TIAM2: variants seen among roughly 807,000 people sequenced by gnomAD.
The protein encoded by TIAM2 is TIAM Rac1 associated GEF 2.
TIAM2 carries 80 observed loss-of-function variants against 152.9 expected under a neutral mutation model. The observed-to-expected ratio is 0.52, with a 90% CI of 0.44 to 0.63. The LOEUF (loss-of-function observed/expected upper bound fraction) is 0.63. TIAM2 is among the 30% of genes least tolerant of loss of function. The pLI is 0.00. For synonymous variants in TIAM2, 804 were observed against 838.0 expected, an observed-to-expected ratio of 0.96 and a Z score of 0.70; for missense variants, 1,965 against 2,120.1, an observed-to-expected ratio of 0.93 and a Z score of 1.44.
intron 1 of TIAM2, among the ~76,000 whole-genome samples, chr6:155,062,774 C>A (rs1407343477): frequency 6.6e-6 from 1 of 151,932 alleles, no homozygotes; most frequent in African/African-American, 2.4e-5. Context: ...GGGGTTTCAC[C>A]ATGTTGGTCA....
At position 155,045,697 on chromosome 6, in the gene TIAM2, G is replaced by A. The variant is rs146618546; in HGVS notation, c.-208-44592G>A. Among the ~76,000 whole-genome samples the A allele has an allele frequency of 4.5e-3, 679 of 152,198 alleles. 4 individuals are homozygous for A. The highest frequency in any genetic ancestry group is 0.014 in the African/African-American group (600 of 41,534). Reference sequence around the variant, plus strand: ...TGTGAGTAGCAGGCAGGCCCTCCTTGCCTCTGCAGTGGTTGAAGACAGCGG... The same window carrying A: ...TGTGAGTAGCAGGCAGGCCCTCCTTACCTCTGCAGTGGTTGAAGACAGCGG... On this transcript the variant is annotated intron_variant, in intron 1 of 26. Transcript: ENST00000682666.
In TIAM2 at chr6:155,137,321, C is replaced by A; in HGVS notation, c.1339C>A (p.His447Asn). 1 of 1,614,250 alleles carries A rather than the reference C, an allele frequency of 6.2e-7. No homozygotes were observed. The highest frequency in any genetic ancestry group is 8.5e-7 in the Non-Finnish European group (1 of 1,180,044). ...QILSQRSEST[H>N]AIGSDPLRQN... is the part of the protein sequence containing the mutation. ...CCTGTCTCAGAGAAGTGAATCCACACATGCGATTGGCAGCGATCCCCTCCG... is the reference window on the plus strand; with the variant it reads ...CCTGTCTCAGAGAAGTGAATCCACAAATGCGATTGGCAGCGATCCCCTCCG... The change falls in exon 5 of 27, where the codon CAT becomes AAT. Residue 447 changes from histidine (H) to asparagine (N), a missense_variant. Coordinates refer to ENST00000682666, the MANE Select transcript of TIAM2 (RefSeq NM_012454.4).
At chr6:155,143,283 C>G (rs140898382) in intron 5 of TIAM2, among the ~76,000 whole-genome samples, 190 of 152,252 alleles carry the variant, frequency 1.2e-3, no homozygotes, top group African/African-American at 4.2e-3. Flanking sequence ...AAAATTGTGT[C>G]TAATAATTAT....
intron 1 of TIAM2, among the ~76,000 whole-genome samples, chr6:155,056,730 AT>A (rs1170132132): frequency 6.6e-6 from 1 of 152,108 alleles, no homozygotes. Flanking sequence ...TTCCCCTATT[AT>A]TAACATCTTA....
At chr6:155,032,793 G>A (rs1447861556) in intron 1 of TIAM2, among the ~76,000 whole-genome samples, 1 of 152,076 alleles carries the variant, frequency 6.6e-6, no homozygotes, top group African/African-American at 2.4e-5. Context: ...CGCCCACCTC[G>A]GCCTCCCAAA....
rs1783879204 is a variant in TIAM2, at chr6:155,254,510, G to C, written c.4405G>C (p.Glu1469Gln). The C allele has an allele frequency of 6.2e-7, 1 of 1,614,182 alleles. No homozygotes were observed. Among genetic ancestry groups the C allele is most frequent in the Non-Finnish European group, 8.5e-7 (1 of 1,180,008 alleles). ...RRHIKCELPLEKTCKDRLVPL... is the reference protein window; with the variant it reads ...RRHIKCELPLQKTCKDRLVPL... ...TCACATAAAGTGTGAATTACCACTG[G>C]AGAAAACGTGTAAGGATCGCCTGGT... The change falls in exon 26 of 27, where the codon GAG (glutamate) becomes CAG (glutamine). Residue 1469 changes from glutamate (E) to glutamine (Q), a missense_variant. Physicochemically the swap from Glu to Gln is conservative, Grantham distance 29. Around this residue, in one of 3 missense-constraint regions of TIAM2, gnomAD observed 935 missense variants for 980.0 expected, o/e 0.95. Coordinates refer to ENST00000682666, the MANE Select transcript of TIAM2 (RefSeq NM_012454.4).
intron 1 of TIAM2, among the ~76,000 whole-genome samples, chr6:155,067,304 C>A (rs574081322): frequency 2.0e-5 from 3 of 152,224 alleles, no homozygotes; most frequent in Middle Eastern, 3.4e-3. Context: ...CCCAAGCGTC[C>A]TCTCTCTCCA....
At chr6:155,075,723 C>T (rs928672276) in intron 1 of TIAM2, among the ~76,000 whole-genome samples, 4 of 151,922 alleles carry the variant, frequency 2.6e-5, no homozygotes, top group Admixed American at 6.6e-5. Flanking sequence ...ATGCATAGCC[C>T]GACGGTAATT....
rs182254115 is a variant in TIAM2, at chr6:155,043,905, A to G, written c.-208-46384A>G. Among the ~76,000 whole-genome samples, 47 of 152,230 alleles carry G rather than the reference A, an allele frequency of 3.1e-4. 1 individual carries two copies. The highest frequency in any genetic ancestry group is 1.1e-3 in the Admixed American group (17 of 15,276). On this transcript the variant is annotated intron_variant, in intron 1 of 26. Transcript: ENST00000682666. ...CTGACAATCAAGTCTAGATACAGGA[A>G]ACTTCATCCGAGAGGCTTCTTACCC...
At chr6:155,180,467 A>G (rs1384069771) in intron 12 of TIAM2, among the ~76,000 whole-genome samples, 5 of 152,228 alleles carry the variant, frequency 3.3e-5, no homozygotes, top group African/African-American at 9.6e-5. Flanking sequence ...ACCTTGTTAA[A>G]TATATCGATA....
chr6:155,086,594 C>G (rs1346583533), intron 1 of TIAM2, among the ~76,000 whole-genome samples: 1 of 151,402 alleles, frequency 6.6e-6, no homozygotes, highest in Admixed American at 6.6e-5. Context: ...GTAATCCCGG[C>G]TACTCAGGAG....
intron 16 of TIAM2, among the ~76,000 whole-genome samples, chr6:155,242,619 G>C (rs1783097864): frequency 6.6e-6 from 1 of 152,224 alleles, no homozygotes; most frequent in Non-Finnish European, 1.5e-5. Context: ...AAGTGAGGGA[G>C]TTATTATAGC....
chr6:155,043,633 CAAAAAA>C (rs60093259), intron 1 of TIAM2, among the ~76,000 whole-genome samples: 2 of 50,258 alleles, frequency 4.0e-5, no homozygotes, highest in South Asian at 9.5e-4. Flanking sequence ...GACCCTGTCT[CAAAAAA>C]AAAAAAAAAA....
At chr6:155,256,282 TAACTTAC>T in intron 26 of TIAM2, 195 bp from the exon 27 acceptor site, 1 of 710,812 alleles carries the variant, frequency 1.4e-6, no homozygotes, top group Non-Finnish European at 2.3e-6. Flanking sequence ...CTGAATTGCC[TAACTTAC>T]AACTGTAAAC....
chr6:155,203,212 C>A (rs184903567), intron 14 of TIAM2, among the ~76,000 whole-genome samples: 2 of 152,210 alleles, frequency 1.3e-5, no homozygotes, highest in East Asian at 3.9e-4. Context: ...TTTCTATTTA[C>A]ATAATGCTAT....
intron 14 of TIAM2, among the ~76,000 whole-genome samples, chr6:155,206,797 T>C (rs924785230): frequency 6.6e-6 from 1 of 152,228 alleles, no homozygotes; most frequent in Non-Finnish European, 1.5e-5. Flanking sequence ...TGCCCCAAAC[T>C]GTTAATTTCC....
At chr6:155,029,768 A>C (rs1256956566) in intron 1 of TIAM2, among the ~76,000 whole-genome samples, 1 of 147,000 alleles carries the variant, frequency 6.8e-6, no homozygotes, top group South Asian at 2.1e-4. Flanking sequence ...GTAGAAAAAA[A>C]CCTAAAGACT....
chr6:155,119,914 C>T (rs1779112807), intron 2 of TIAM2, among the ~76,000 whole-genome samples: 1 of 152,218 alleles, frequency 6.6e-6, no homozygotes. Flanking sequence ...GCTAGTCTCT[C>T]TTCTGCTCTA....
At chr6:155,000,864 G>T (rs535331279) in intron 1 of TIAM2, among the ~76,000 whole-genome samples, 1 of 152,122 alleles carries the variant, frequency 6.6e-6, no homozygotes, top group African/African-American at 2.4e-5. Context: ...CACATCTGTA[G>T]TCCGAGCTAC....
Sources: allele counts gnomAD v4.1 joint callset (sites outside exome capture counted in the v4.1 genomes callset), GRCh38; gene constraint gnomAD v4.1.1; regional missense constraint gnomAD v4.1.1; transcripts MANE v1.5; gene names NCBI Gene and HGNC (gene_info 2026-07-23, HGNC 2026-07-21).